STEAP3: variants seen among roughly 807,000 people sequenced by gnomAD.
STEAP3 encodes STEAP3 metalloreductase, also known as metalloreductase STEAP3.
STEAP3 carries 35 observed loss-of-function variants against 34.9 expected under a neutral mutation model. The observed-to-expected ratio is 1.00, with a 90% CI of 0.76 to 1.33. STEAP3 has a LOEUF of 1.33. Among genes scored for constraint, STEAP3 ranks in the 40% most tolerant of loss-of-function variants. The pLI, the probability that STEAP3 is intolerant of heterozygous loss-of-function variation, is 0.00. For missense variants in STEAP3, 652 were observed against 667.6 expected (o/e 0.98, Z 0.26); for synonymous variants, 281 against 301.6 (o/e 0.93, Z 0.71).
chr2:119,257,095 G>A (rs1482852506), intron 5 of STEAP3, among the ~76,000 whole-genome samples: 1 of 152,022 alleles, frequency 6.6e-6, no homozygotes, highest in African/African-American at 2.4e-5. Flanking sequence ...GCAAACTGGC[G>A]GACACTCACT....
chr2:119,231,037 A>C lies in STEAP3; in HGVS notation c.22+3A>C, dbSNP rs762244262. 9.9e-6 allele frequency: 16 copies of C among 1,614,030 alleles called. No individual in the cohort carries two copies. Among genetic ancestry groups the C allele is most frequent in the Non-Finnish European group, 1.4e-5 (16 of 1,180,032 alleles). ...GATGTCGCACCAGCCTGCTGTTGGT[A>C]AGTCTGGCTAGGACGCAGATCCAAG... On this transcript the variant is annotated splice_donor_region_variant and intron_variant, in intron 2 of 5. Coordinates refer to ENST00000393110, the MANE Select transcript of STEAP3 (RefSeq NM_182915.3).
intron 5 of STEAP3, among the ~76,000 whole-genome samples, chr2:119,258,488 A>G (rs565540851): frequency 1.1e-4 from 16 of 152,172 alleles, no homozygotes; most frequent in African/African-American, 3.4e-4. Context: ...GCTAAAAACC[A>G]TTGAAACAGT....
At position 119,248,157 on chromosome 2, in the gene STEAP3, C is replaced by T. The variant is rs199594647; in HGVS notation, c.1001C>T (p.Pro334Leu). 286 of 1,604,964 alleles carry T rather than the reference C, an allele frequency of 1.8e-4. No individual in the cohort carries two copies. Among genetic ancestry groups the T allele is most frequent in the Admixed American group, 1.7e-4 (10 of 59,816 alleles). ...ALHALYSFCL[P>L]LRRAHRYDLV... Reference sequence around the variant, plus strand: ...CACGCCCTCTACAGCTTCTGCTTGCCGCTGCGCCGCGCCCACCGCTACGAC... The same window carrying T: ...CACGCCCTCTACAGCTTCTGCTTGCTGCTGCGCCGCGCCCACCGCTACGAC... Residue 334 changes from proline (P) to leucine (L), a missense_variant, in exon 4 of 6, where the codon CCG (proline) becomes CTG (leucine). Transcript: ENST00000393110.
At chr2:119,245,289 C>T (rs970834675) in intron 2 of STEAP3, 200 bp from the exon 3 acceptor site, 82 of 664,730 alleles carry the variant, frequency 1.2e-4, no homozygotes, top group Non-Finnish European at 1.8e-4. Flanking sequence ...CCCTGCTCTT[C>T]CTGAGTCTGT....
At chr2:119,224,438 C>T (rs1258278975) in intron 1 of STEAP3, among the ~76,000 whole-genome samples, 7 of 152,180 alleles carry the variant, frequency 4.6e-5, no homozygotes, top group Non-Finnish European at 7.4e-5. Flanking sequence ...CGCCTCTGCC[C>T]GCGGAGCCCT....
intron 5 of STEAP3, among the ~76,000 whole-genome samples, chr2:119,259,519 C>G (rs1006205459): frequency 2.6e-5 from 4 of 152,248 alleles, no homozygotes; most frequent in Non-Finnish European, 4.4e-5. Context: ...TTCCTGCTGT[C>G]TGCACCATGG....
At chr2:119,232,231 A>G (rs1026126199) in intron 2 of STEAP3, among the ~76,000 whole-genome samples, 1 of 152,190 alleles carries the variant, frequency 6.6e-6, no homozygotes, top group Admixed American at 6.5e-5. Flanking sequence ...GGCAGCTTGA[A>G]TGCAGGGACT....
intron 1 of STEAP3, among the ~76,000 whole-genome samples, chr2:119,228,057 T>A (rs979859860): frequency 1.3e-5 from 2 of 152,166 alleles, no homozygotes; most frequent in African/African-American, 4.8e-5. Flanking sequence ...TTTGAACTCC[T>A]GACCTCAGGT....
rs201325924 is a variant in STEAP3, at chr2:119,254,884, G to A, written c.1215+36G>A. On this transcript the variant is annotated intron_variant, in intron 5 of 5. Coordinates refer to ENST00000393110, the MANE Select transcript of STEAP3 (RefSeq NM_182915.3). ...CTCTAGTCTGCCAGCCAGCTTCAGC[G>A]TGGCCCTGGCCCACCTCTCATGAGT... The A allele has an allele frequency of 3.3e-4, 534 of 1,603,056 alleles. 1 individual carries two copies. Among genetic ancestry groups the A allele is most frequent in the Middle Eastern group, 3.2e-3 (19 of 6,028 alleles).
At position 119,263,889 on chromosome 2, in the gene STEAP3, G is replaced by GGAGGC. The variant is rs1279905644; in HGVS notation, c.*552_*556dup. 4 of 180,754 alleles carry GGAGGC rather than the reference G, an allele frequency of 2.2e-5. No homozygotes were observed. Among genetic ancestry groups the GGAGGC allele is most frequent in the Non-Finnish European group, 4.7e-5 (4 of 84,962 alleles). 11.2% of individuals were successfully genotyped at this position (180,754 alleles called of 1,614,324 possible). A position where few individuals can be genotyped will look rare whatever the true frequency, so the allele number is the denominator to read the frequency against. On this transcript the variant is annotated 3_prime_UTR_variant, in exon 6 of 6. Transcript: ENST00000393110. ...CTTCCCTCCACCTGGGGCAGCAGCA[G>GGAGGC]GAGGCCTGGGGAGGAGGAAAATCAG...
chr2:119,231,581 A>T (rs1352542090), intron 2 of STEAP3, among the ~76,000 whole-genome samples: 1 of 152,086 alleles, frequency 6.6e-6, no homozygotes, highest in Non-Finnish European at 1.5e-5. Context: ...ATTCACTTTT[A>T]TTTTGCACAG....
chr2:119,243,106 G>A (rs1289176004), intron 2 of STEAP3, among the ~76,000 whole-genome samples: 2 of 152,220 alleles, frequency 1.3e-5, no homozygotes, highest in Admixed American at 1.3e-4. Flanking sequence ...CGGAAAGCAT[G>A]ATCCCCACAA....
rs61746941 is a variant in STEAP3, at chr2:119,263,179, G to A, written c.1338G>A (p.Leu446=). ...FYLPPTFTLT[L]LVPCVVILAK... ...TGCCTCCCACCTTCACGCTCACGCT[G>A]CTGGTGCCCTGCGTCGTCATCCTGG... The change falls in exon 6 of 6, where the codon CTG becomes CTA. Residue 446 remains leucine, a synonymous_variant. Transcript: ENST00000393110. 1.3e-3 allele frequency: 2,169 copies of A among 1,614,148 alleles called. 21 individuals carry two copies. The African/African-American group carries it at 0.026, about 19-fold the overall frequency.
intron 5 of STEAP3, among the ~76,000 whole-genome samples, chr2:119,255,159 T>C (rs1677740223): frequency 6.6e-6 from 1 of 152,048 alleles, no homozygotes; most frequent in Admixed American, 6.5e-5. Flanking sequence ...CCAAACAAAA[T>C]TGAATGACAT....
chr2:119,240,443 G>T (rs1018447779), intron 2 of STEAP3, among the ~76,000 whole-genome samples: 20 of 152,334 alleles, frequency 1.3e-4, no homozygotes, highest in African/African-American at 4.3e-4. Context: ...CGACCTCACA[G>T]CAAACCCTCC....
In STEAP3 at chr2:119,248,167, C is replaced by T. The variant is rs112672265; in HGVS notation, c.1011C>T (p.Arg337=). ...ACAGCTTCTGCTTGCCGCTGCGCCG[C>T]GCCCACCGCTACGACCTGGTCAACC... ...ALYSFCLPLR[R]AHRYDLVNLA... Residue 337 remains arginine (R), a synonymous_variant, in exon 4 of 6, where the codon CGC becomes CGT. Coordinates refer to ENST00000393110, the MANE Select transcript of STEAP3 (RefSeq NM_182915.3). 1.7e-3 allele frequency: 2,803 copies of T among 1,604,104 alleles called. 35 individuals carry two copies. The African/African-American group carries it at 0.03, about 17-fold the overall frequency.
chr2:119,251,528 G>A (rs1477845726), intron 4 of STEAP3, among the ~76,000 whole-genome samples: 5 of 152,132 alleles, frequency 3.3e-5, no homozygotes, highest in Non-Finnish European at 7.3e-5. Flanking sequence ...CCTGCACACT[G>A]TTCTCCTGTT....
rs760366956 is a variant in STEAP3 at position 119,245,616 on chromosome 2, C to T, written c.150C>T (p.Ala50=). 3 of 1,609,576 alleles carry T rather than the reference C, an allele frequency of 1.9e-6. No homozygotes were observed. The highest frequency in any genetic ancestry group is 4.5e-5 in the East Asian group (2 of 44,726). Reference sequence around the variant, plus strand: ...GCATCCTGGGTAGCGGGGACTTTGCCCGCTCCCTGGCCACACGCCTGGTGG... The same window carrying T: ...GCATCCTGGGTAGCGGGGACTTTGCTCGCTCCCTGGCCACACGCCTGGTGG... The part of the protein sequence containing the change: ...KVGILGSGDF[A]RSLATRLVGS... Residue 50 remains alanine (A), a synonymous_variant, in exon 3 of 6, where the codon GCC becomes GCT. Transcript: ENST00000393110.
At chr2:119,249,799 T>G (rs1286811772) in intron 4 of STEAP3, among the ~76,000 whole-genome samples, 1 of 152,222 alleles carries the variant, frequency 6.6e-6, no homozygotes, top group African/African-American at 2.4e-5. Flanking sequence ...TCATTGCATC[T>G]GTGGGCTCAG....
Sources: gnomAD v4.1 joint callset for allele counts (sites outside exome capture counted in the v4.1 genomes callset) on GRCh38, gnomAD v4.1.1 for gene constraint, MANE v1.5 for transcripts, NCBI Gene and HGNC (gene_info 2026-07-23, HGNC 2026-07-21) for gene names.